The following SCN11A variants were observed in gnomAD, a reference collection of about 807,000 sequenced individuals.
The protein encoded by SCN11A is sodium voltage-gated channel alpha subunit 11.
Under a neutral mutation model 162.2 loss-of-function variants are expected in SCN11A, and 122 were observed. The ratio of observed to expected loss-of-function variants is 0.75; its 90% confidence interval spans 0.65 to 0.87. The LOEUF (loss-of-function observed/expected upper bound fraction) is 0.87. Ranked by LOEUF, SCN11A falls within the 40% of genes least tolerant of loss-of-function variation. SCN11A has a pLI of 0.00. For synonymous variants in SCN11A, 758 were observed against 751.5 expected, an observed-to-expected ratio of 1.01 and a Z score of -0.14; for missense variants, 2,015 against 2,181.6, an observed-to-expected ratio of 0.92 and a Z score of 1.52.
chr3:39,001,857 AC>A (rs1164549574), intron 2 of SCN11A, among the ~76,000 whole-genome samples: 1 of 151,992 alleles, frequency 6.6e-6, no homozygotes. Flanking sequence ...ACACGGTGAA[AC>A]CCCGTCTCTA....
chr3:38,850,629 G>A lies in SCN11A; in HGVS notation c.4179C>T (p.Ala1393=). The change falls in exon 29 of 30, where the codon GCC becomes GCT. Residue 1393 remains alanine (A), a synonymous_variant. Coordinates refer to ENST00000302328, the MANE Select transcript of SCN11A (RefSeq NM_001349253.2). ...MMAESYNQPK[A]MKSILDHLNW... ...TGAGATGGTCAAGGATGGATTTCATGGCTTTGGGTTGGTTGTATGATTCAG... is the reference window on the plus strand; with the variant it reads ...TGAGATGGTCAAGGATGGATTTCATAGCTTTGGGTTGGTTGTATGATTCAG... The A allele has an allele frequency of 1.2e-6, 2 of 1,614,006 alleles. No homozygotes were observed. Among genetic ancestry groups the A allele is most frequent in the Non-Finnish European group, 1.7e-6 (2 of 1,179,914 alleles).
chr3:38,885,775 T>C (rs1451306580), intron 20 of SCN11A, among the ~76,000 whole-genome samples: 2 of 152,196 alleles, frequency 1.3e-5, no homozygotes, highest in African/African-American at 2.4e-5. Flanking sequence ...CCTGGAATAA[T>C]AGGCCTAGAC....
Position 39,015,243 on chromosome 3 carries a change from T to G in SCN11A, c.-280+17137A>C, listed in dbSNP as rs79594384. 5.3e-3 allele frequency among the ~76,000 whole-genome samples: 801 copies of G among 152,334 alleles called. 8 individuals carry two copies. The highest frequency in any genetic ancestry group is 0.018 in the African/African-American group (763 of 41,572). ...TGCCCTTCTACTTTCTTCCATGTGA[T>G]AGCATAGTAAGAAAGCCCTTGACAG... On this transcript the variant is annotated intron_variant, in intron 2 of 29. Coordinates refer to ENST00000302328, the MANE Select transcript of SCN11A (RefSeq NM_001349253.2).
At chr3:39,002,252 A>T (rs1219970719) in intron 2 of SCN11A, among the ~76,000 whole-genome samples, 1 of 152,214 alleles carries the variant, frequency 6.6e-6, no homozygotes, top group East Asian at 1.9e-4. Context: ...TAACCTGAAA[A>T]GTTCAAACAA....
chr3:38,879,205 T>C (rs2065269067), intron 23 of SCN11A, among the ~76,000 whole-genome samples: 1 of 152,180 alleles, frequency 6.6e-6, no homozygotes, highest in Non-Finnish European at 1.5e-5. Flanking sequence ...TTTCTTTCTC[T>C]GAATATACAA....
At chr3:38,983,686 T>C (rs2125591308) in intron 2 of SCN11A, among the ~76,000 whole-genome samples, 1 of 152,346 alleles carries the variant, frequency 6.6e-6, no homozygotes, top group African/African-American at 2.4e-5. Flanking sequence ...AAGAATCTCT[T>C]TGAGTTGCTA....
chr3:38,876,979 GA>G (rs1215603630), intron 23 of SCN11A, among the ~76,000 whole-genome samples: 7 of 150,102 alleles, frequency 4.7e-5, no homozygotes, highest in Admixed American at 1.3e-4. Flanking sequence ...AGTGGATAAA[GA>G]AAATGTGATA....
At chr3:38,873,340 G>A (rs2065158535) in intron 23 of SCN11A, among the ~76,000 whole-genome samples, 2 of 152,142 alleles carry the variant, frequency 1.3e-5, no homozygotes, top group South Asian at 2.1e-4. Context: ...TGATGTCAGA[G>A]TTCACTATTA....
chr3:38,882,991 C>T (rs1442646314), intron 22 of SCN11A, among the ~76,000 whole-genome samples: 1 of 152,110 alleles, frequency 6.6e-6, no homozygotes, highest in Non-Finnish European at 1.5e-5. Context: ...ACTCTAGTGG[C>T]CACTTTAAAG....
At chr3:39,040,656 G>A (rs1368617788) in intron 1 of SCN11A, among the ~76,000 whole-genome samples, 1 of 152,092 alleles carries the variant, frequency 6.6e-6, no homozygotes, top group Non-Finnish European at 1.5e-5. Flanking sequence ...CTCTGAATGA[G>A]AAATTCAACA....
intron 11 of SCN11A, among the ~76,000 whole-genome samples, chr3:38,915,107 T>C (rs1331955021): frequency 6.6e-6 from 1 of 152,080 alleles, no homozygotes; most frequent in East Asian, 1.9e-4. Flanking sequence ...GGTCTCAGGA[T>C]TTTTTTGGTT....
At chr3:38,904,544 G>GAC (rs1277185363) in intron 15 of SCN11A, among the ~76,000 whole-genome samples, 5 of 152,070 alleles carry the variant, frequency 3.3e-5, no homozygotes, top group Non-Finnish European at 7.4e-5. Context: ...CAGTAAAAGG[G>GAC]ACTCTATCCT....
intron 2 of SCN11A, among the ~76,000 whole-genome samples, chr3:38,994,220 C>T (rs2030540962): frequency 6.6e-6 from 1 of 152,162 alleles, no homozygotes; most frequent in African/African-American, 2.4e-5. Context: ...TCTTATTTTT[C>T]TTAATGCTAA....
intron 28 of SCN11A, among the ~76,000 whole-genome samples, chr3:38,854,976 C>G (rs2064843458): frequency 6.6e-6 from 1 of 152,252 alleles, no homozygotes; most frequent in Admixed American, 6.5e-5. Flanking sequence ...ATAATTTCGA[C>G]TGGGCACAAA....
chr3:38,849,373 T>G (rs904139748), intron 29 of SCN11A: 5 of 150,910 alleles, frequency 3.3e-5, no homozygotes, highest in Admixed American at 3.3e-4. Context: ...AAGAATCTAT[T>G]GATAAGCTTT....
chr3:38,939,622 G>A (rs972104115), intron 7 of SCN11A, among the ~76,000 whole-genome samples: 10 of 152,114 alleles, frequency 6.6e-5, no homozygotes, highest in Non-Finnish European at 1.5e-5. Flanking sequence ...AACATTTCAA[G>A]GCCGGGCGCA....
intron 2 of SCN11A, among the ~76,000 whole-genome samples, chr3:38,970,684 G>T (rs1164317274): frequency 6.6e-6 from 1 of 152,102 alleles, no homozygotes; most frequent in Non-Finnish European, 1.5e-5. Flanking sequence ...CCCATGCTCT[G>T]GGCAATCCAG....
chr3:39,001,156 C>G (rs1321161354), intron 2 of SCN11A, among the ~76,000 whole-genome samples: 1 of 152,246 alleles, frequency 6.6e-6, no homozygotes, highest in African/African-American at 2.4e-5. Context: ...TTTTAACCAT[C>G]TGAAAGTGTA....
intron 2 of SCN11A, among the ~76,000 whole-genome samples, chr3:38,995,945 A>G (rs1319611792): frequency 6.6e-6 from 1 of 152,184 alleles, no homozygotes; most frequent in Non-Finnish European, 1.5e-5. Context: ...GAATAAGGTC[A>G]TAAGAATGTG....
Sources: allele counts gnomAD v4.1 joint callset (sites outside exome capture counted in the v4.1 genomes callset), GRCh38; gene constraint gnomAD v4.1.1; transcripts MANE v1.5; gene names NCBI Gene and HGNC (gene_info 2026-07-23, HGNC 2026-07-21).